Variants in PARG observed in about 807,000 individuals in gnomAD.
PARG encodes the protein mitochondrial poly(ADP-ribose) glycohydrolase.
A neutral mutation model predicts 113.0 loss-of-function variants in PARG; 35 were observed. That is an observed-to-expected ratio of 0.31 (90% CI 0.24 to 0.41). PARG has a LOEUF of 0.41. Among genes scored for constraint, PARG ranks in the 10% least tolerant of loss-of-function variants. The probability of loss-of-function intolerance (pLI) is 1.00; values close to 1 mark genes in which losing one functional copy is unlikely to be tolerated. For synonymous variants in PARG, 330 were observed against 409.9 expected (o/e 0.81, Z 2.36); for missense variants, 797 against 1,169.4 (o/e 0.68, Z 4.64).
chr10:49,897,289 TATG>T (rs1306533996), intron 7 of PARG, among the ~76,000 whole-genome samples: 1 of 152,160 alleles, frequency 6.6e-6, no homozygotes, highest in African/African-American at 2.4e-5. Context: ...CAGCTAGTAT[TATG>T]ATGATGATGA....
At chr10:49,834,840 C>A (rs1844838922) in intron 15 of PARG, among the ~76,000 whole-genome samples, 2 of 152,016 alleles carry the variant, frequency 1.3e-5, no homozygotes, top group South Asian at 4.2e-4. Flanking sequence ...CTATCCCCCA[C>A]CCCTGCCACC....
At chr10:49,912,154 G>C (rs1280009724) in intron 7 of PARG, among the ~76,000 whole-genome samples, 3 of 152,034 alleles carry the variant, frequency 2.0e-5, no homozygotes, top group African/African-American at 7.2e-5. Flanking sequence ...CCAAAAATTA[G>C]CCAGGTGTGG....
chr10:49,823,887 G>A (rs189294211), intron 16 of PARG, among the ~76,000 whole-genome samples: 3 of 152,078 alleles, frequency 2.0e-5, no homozygotes, highest in Admixed American at 6.5e-5. Flanking sequence ...AAATCAAAAA[G>A]TAAAACCAAT....
chr10:49,881,152 T>C (rs1458998117), intron 8 of PARG, among the ~76,000 whole-genome samples: 4 of 152,174 alleles, frequency 2.6e-5, no homozygotes, highest in African/African-American at 4.8e-5. Context: ...TTCCAACCAA[T>C]TGCCAATCAG....
chr10:49,844,481 G>C (rs1178826411), intron 13 of PARG, among the ~76,000 whole-genome samples: 1 of 151,856 alleles, frequency 6.6e-6, no homozygotes, highest in Non-Finnish European at 1.5e-5. Context: ...AAATTAGCTG[G>C]GCATTGTGGC....
At chr10:49,891,045 T>G (rs1462220683) in intron 7 of PARG, among the ~76,000 whole-genome samples, 1 of 152,248 alleles carries the variant, frequency 6.6e-6, no homozygotes, top group African/African-American at 2.4e-5. Flanking sequence ...CCGGGCGTGG[T>G]GGCTCATGCC....
At chr10:49,923,751 T>C (rs1483332418) in intron 4 of PARG, among the ~76,000 whole-genome samples, 3 of 151,312 alleles carry the variant, frequency 2.0e-5, no homozygotes, top group African/African-American at 4.9e-5. Flanking sequence ...AGCTCCAGCA[T>C]GTGTACTAGG....
chr10:49,884,449 A>G (rs1847363420), intron 8 of PARG, among the ~76,000 whole-genome samples: 1 of 152,240 alleles, frequency 6.6e-6, no homozygotes, highest in African/African-American at 2.4e-5. Flanking sequence ...AAGTACAAAA[A>G]GTAGCCAGGT....
intron 6 of PARG, among the ~76,000 whole-genome samples, chr10:49,917,563 A>G (rs1340491537): frequency 6.6e-6 from 1 of 151,732 alleles, no homozygotes; most frequent in African/African-American, 2.4e-5. Flanking sequence ...TCACACCTGT[A>G]ATCATAGCAC....
At position 49,925,738 on chromosome 10, in the gene PARG, CCT is replaced by C. The variant is rs368772732; in HGVS notation, c.1456-3071_1456-3070del. Among the ~76,000 whole-genome samples the C allele has an allele frequency of 9.8e-4, 149 of 152,322 alleles. 6 individuals are homozygous for C. In the East Asian group the frequency reaches 0.02, roughly 20 times the overall value. On this transcript the variant is annotated intron_variant, in intron 4 of 17. Coordinates refer to ENST00000616448, the MANE Select transcript of PARG (RefSeq NM_003631.5). ...CATCTACTGAGACAGAGCAGGGAGCCCTCTTAGGGGCCTGCCAGGAGTGCCCT... is the reference window on the plus strand; with the variant it reads ...CATCTACTGAGACAGAGCAGGGAGCCCTTAGGGGCCTGCCAGGAGTGCCCT...
At chr10:49,842,499 G>A (rs1415996391) in intron 14 of PARG, among the ~76,000 whole-genome samples, 2 of 152,116 alleles carry the variant, frequency 1.3e-5, no homozygotes, top group Non-Finnish European at 2.9e-5. Context: ...ATACTGTCCA[G>A]GAAATAATCC....
At chr10:49,824,105 A>G (rs563926398) in intron 16 of PARG, among the ~76,000 whole-genome samples, 5 of 152,338 alleles carry the variant, frequency 3.3e-5, no homozygotes, top group East Asian at 3.9e-4. Flanking sequence ...TGCTCCCTGA[A>G]GATTCTGTCA....
At chr10:49,852,686 T>G (rs1233907124) in intron 13 of PARG, among the ~76,000 whole-genome samples, 2 of 151,234 alleles carry the variant, frequency 1.3e-5, no homozygotes, top group African/African-American at 4.9e-5. Context: ...CACCTCAGCC[T>G]CCTGAGTAGC....
chr10:49,907,752 G>A (rs1344559973), intron 7 of PARG, among the ~76,000 whole-genome samples: 3 of 152,088 alleles, frequency 2.0e-5, no homozygotes, highest in African/African-American at 7.2e-5. Context: ...GTTTAACTGT[G>A]TTAATAAAAT....
In PARG at chr10:49,922,411, C is replaced by T. The variant is rs2045913918; in HGVS notation, c.1587G>A (p.Glu529=). 6.2e-7 allele frequency: 1 copy of T among 1,608,728 alleles called. No homozygotes were observed. The highest frequency in any genetic ancestry group is 8.5e-7 in the Non-Finnish European group (1 of 1,178,314). ...NLYPVEDENG[E]RTAGSRWELI... ...GCTCCCACCGGCTCCCCGCAGTTCGCTCACCATTCTTTTGGAAAAAAGAAA... is the reference window on the plus strand; with the variant it reads ...GCTCCCACCGGCTCCCCGCAGTTCGTTCACCATTCTTTTGGAAAAAAGAAA... The change falls in exon 6 of 18, where the codon GAG becomes GAA. Residue 529 remains glutamate, a synonymous_variant. Transcript: ENST00000616448.
At chr10:49,837,784 T>C (rs1324501183) in intron 15 of PARG, among the ~76,000 whole-genome samples, 1 of 152,240 alleles carries the variant, frequency 6.6e-6, no homozygotes, top group Admixed American at 6.5e-5. Flanking sequence ...GAACACATAT[T>C]TATCAGATGC....
chr10:49,886,847 C>T (rs1346160417), intron 7 of PARG, among the ~76,000 whole-genome samples: 4 of 152,052 alleles, frequency 2.6e-5, no homozygotes, highest in South Asian at 2.1e-4. Flanking sequence ...ATGACTGCCT[C>T]TTTATAATCT....
intron 4 of PARG, among the ~76,000 whole-genome samples, chr10:49,923,566 T>C (rs1639147262): frequency 1.3e-5 from 2 of 152,098 alleles, no homozygotes; most frequent in African/African-American, 4.8e-5. Context: ...ACAGGGCCCC[T>C]ACCACTACCA....
chr10:49,885,715 T>C lies in PARG; in HGVS notation c.1738-420A>G, dbSNP rs192348649. Among the ~76,000 whole-genome samples, 458 of 152,312 alleles carry C rather than the reference T, an allele frequency of 3.0e-3. 1 individual carries two copies. Among genetic ancestry groups the C allele is most frequent in the African/African-American group, 0.01 (431 of 41,564 alleles). On this transcript the variant is annotated intron_variant, in intron 7 of 17. Coordinates refer to ENST00000616448, the MANE Select transcript of PARG (RefSeq NM_003631.5). ...CCCATCTAGTTTCAATGGTCTACAA[T>C]TGAAGAAATCTCCATAAAAGCCACA... is the stretch of plus-strand genomic sequence containing the variant.
Sources: gnomAD v4.1 joint callset for allele counts (sites outside exome capture counted in the v4.1 genomes callset) on GRCh38, gnomAD v4.1.1 for gene constraint, MANE v1.5 for transcripts, NCBI Gene and HGNC (gene_info 2026-07-23, HGNC 2026-07-21) for gene names.